The following PDE11A variants were observed in gnomAD, a reference collection of about 807,000 sequenced individuals.
PDE11A encodes dual 3',5'-cyclic-AMP and -GMP phosphodiesterase 11A.
In PDE11A, 100 loss-of-function variants were observed where a neutral mutation model predicts 100.5. That is an observed-to-expected ratio of 1.00 (90% CI 0.85 to 1.18). The LOEUF (loss-of-function observed/expected upper bound fraction) is 1.18, where lower values mean the gene tolerates loss of function less well. Among genes scored for constraint, PDE11A ranks in the 50% most tolerant of loss-of-function variants. The pLI, the probability that PDE11A is intolerant of heterozygous loss-of-function variation, is 0.00. For synonymous variants in PDE11A, 381 were observed against 420.8 expected (o/e 0.91, Z 1.16); for missense variants, 1,141 against 1,152.6 (o/e 0.99, Z 0.15).
At chr2:177,981,799 G>A (rs1332245480) in intron 2 of PDE11A, among the ~76,000 whole-genome samples, 1 of 150,970 alleles carries the variant, frequency 6.6e-6, no homozygotes, top group Admixed American at 6.6e-5. Context: ...CAAAATTGTA[G>A]AATATCATTC....
chr2:177,740,607 C>T (rs1015381469), intron 10 of PDE11A, among the ~76,000 whole-genome samples: 2 of 152,146 alleles, frequency 1.3e-5, no homozygotes, highest in Non-Finnish European at 2.9e-5. Flanking sequence ...GAAATCAATC[C>T]CAATGAATCT....
Position 178,054,453 on chromosome 2 carries a change from C to G in PDE11A, c.912+17073G>C, listed in dbSNP as rs182949558. 3.1e-3 allele frequency among the ~76,000 whole-genome samples: 467 copies of G among 152,264 alleles called. 3 individuals carry two copies. The highest frequency in any genetic ancestry group is 0.011 in the African/African-American group (437 of 41,546). ...ATAGGCATGGGCAAGGACTTCATGTCTAAAATACCAAAAGCAATGGTAACA... is the reference window on the plus strand; with the variant it reads ...ATAGGCATGGGCAAGGACTTCATGTGTAAAATACCAAAAGCAATGGTAACA... On this transcript the variant is annotated intron_variant, in intron 1 of 19. Transcript: ENST00000286063.
chr2:177,867,524 T>C (rs1012406815), intron 5 of PDE11A, among the ~76,000 whole-genome samples: 1 of 152,056 alleles, frequency 6.6e-6, no homozygotes, highest in African/African-American at 2.4e-5. Context: ...GGTCAAGAGA[T>C]TGAGACCATC....
intron 1 of PDE11A, among the ~76,000 whole-genome samples, chr2:178,059,259 G>C (rs1159081316): frequency 6.6e-6 from 1 of 152,202 alleles, no homozygotes; most frequent in Non-Finnish European, 1.5e-5. Flanking sequence ...GTCTAGCAGG[G>C]TCCAGGGTAT....
At chr2:178,046,599 A>T (rs2086754278) in intron 1 of PDE11A, among the ~76,000 whole-genome samples, 1 of 152,172 alleles carries the variant, frequency 6.6e-6, no homozygotes, top group Non-Finnish European at 1.5e-5. Context: ...AGGTGAGATG[A>T]TAGATAGAAG....
At chr2:177,683,029 G>C (rs2105509283) in intron 15 of PDE11A, among the ~76,000 whole-genome samples, 1 of 152,312 alleles carries the variant, frequency 6.6e-6, no homozygotes, top group Middle Eastern at 3.4e-3. Context: ...TGTACTGGGG[G>C]ACAAAGGACA....
Position 177,689,582 on chromosome 2 carries a change from G to C in PDE11A, c.2345+7750C>G, listed in dbSNP as rs2081012684. 2.0e-5 allele frequency among the ~76,000 whole-genome samples: 3 copies of C among 152,174 alleles called. No homozygotes were observed. The South Asian group carries it at 6.2e-4, about 32-fold the overall frequency. ...TGCATACAAACATTGAAGAGGAATA[G>C]AAAATTAATATACAGATGTTAACTC... On this transcript the variant is annotated intron_variant, in intron 15 of 19. Coordinates refer to ENST00000286063, the MANE Select transcript of PDE11A (RefSeq NM_016953.4).
At chr2:177,635,774 A>G (rs1028993262) in intron 19 of PDE11A, among the ~76,000 whole-genome samples, 1 of 152,064 alleles carries the variant, frequency 6.6e-6, no homozygotes, top group Admixed American at 6.6e-5. Context: ...TACAAATGGT[A>G]GTACACCATA....
chr2:178,012,084 T>C (rs1452841281), intron 2 of PDE11A: 3 of 152,184 alleles, frequency 2.0e-5, no homozygotes, highest in South Asian at 2.1e-4. Flanking sequence ...GTTGTTGAGA[T>C]AAAATACTCT....
At chr2:177,929,786 A>G (rs1251415017) in intron 2 of PDE11A, among the ~76,000 whole-genome samples, 1 of 152,224 alleles carries the variant, frequency 6.6e-6, no homozygotes, top group Non-Finnish European at 1.5e-5. Flanking sequence ...CACAGAAATC[A>G]TAGCCCACCA....
chr2:177,707,228 G>A (rs780632043), intron 13 of PDE11A, among the ~76,000 whole-genome samples: 1 of 152,194 alleles, frequency 6.6e-6, no homozygotes, highest in Non-Finnish European at 1.5e-5. Context: ...ATGGAGACAA[G>A]AATATCAACT....
At chr2:177,724,988 G>T (rs567639253) in intron 12 of PDE11A, among the ~76,000 whole-genome samples, 3 of 151,984 alleles carry the variant, frequency 2.0e-5, no homozygotes, top group South Asian at 4.1e-4. Flanking sequence ...GATTAATAGA[G>T]AATTTTGGTT....
intron 5 of PDE11A, among the ~76,000 whole-genome samples, chr2:177,865,920 A>C (rs1019014647): frequency 6.6e-6 from 1 of 152,156 alleles, no homozygotes; most frequent in Non-Finnish European, 1.5e-5. Flanking sequence ...TTCTGGAAGC[A>C]GACAGCAATG....
chr2:178,077,471 TTC>T (rs1212121473), upstream of PDE11A, among the ~76,000 whole-genome samples: 5 of 152,114 alleles, frequency 3.3e-5, no homozygotes, highest in Admixed American at 3.3e-4. Context: ...CTGCAGAAAT[TTC>T]TGTTTAAATC....
chr2:178,051,101 A>G (rs1392061647), intron 1 of PDE11A, among the ~76,000 whole-genome samples: 3 of 152,242 alleles, frequency 2.0e-5, no homozygotes, highest in African/African-American at 7.2e-5. Context: ...AAGGGCAGCC[A>G]GAGAGAAAGG....
intron 15 of PDE11A, among the ~76,000 whole-genome samples, chr2:177,692,533 C>T (rs909466257): frequency 1.1e-4 from 17 of 152,192 alleles, no homozygotes; most frequent in Non-Finnish European, 1.5e-4. Context: ...AAGAGAGATC[C>T]GACTCTCAAA....
chr2:177,757,094 C>T (rs1336740811), intron 10 of PDE11A, among the ~76,000 whole-genome samples: 3 of 152,104 alleles, frequency 2.0e-5, no homozygotes, highest in Admixed American at 6.6e-5. Flanking sequence ...GTTACCTGGG[C>T]GTTTCTCTTT....
intron 18 of PDE11A, among the ~76,000 whole-genome samples, chr2:177,665,557 TA>T (rs1406698760): frequency 6.6e-6 from 1 of 151,542 alleles, no homozygotes; most frequent in Non-Finnish European, 1.5e-5. Flanking sequence ...AATGTTTCTT[TA>T]AAAAATATTA....
At chr2:178,075,206 A>T (rs1445958022), upstream of PDE11A, among the ~76,000 whole-genome samples, 1 of 152,130 alleles carries the variant, frequency 6.6e-6, no homozygotes, top group East Asian at 1.9e-4. Context: ...CTTGGAAGGA[A>T]AGAAGATTGG....
Sources: allele counts gnomAD v4.1 joint callset (sites outside exome capture counted in the v4.1 genomes callset), GRCh38; gene constraint gnomAD v4.1.1; transcripts MANE v1.5; gene names NCBI Gene and HGNC (gene_info 2026-07-23, HGNC 2026-07-21).